The following DLD variants were observed in gnomAD, a reference collection of about 807,000 sequenced individuals.
The protein encoded by DLD is dihydrolipoamide dehydrogenase, also known as dihydrolipoyl dehydrogenase, mitochondrial.
DLD carries 36 observed loss-of-function variants against 62.2 expected under a neutral mutation model. The observed-to-expected ratio is 0.58, with a 90% CI of 0.44 to 0.76. The LOEUF is 0.76. Among genes scored for constraint, DLD ranks in the 30% least tolerant of loss-of-function variants. The pLI, the probability that DLD is intolerant of heterozygous loss-of-function variation, is 0.00. For synonymous variants in DLD, 204 were observed against 199.6 expected, an observed-to-expected ratio of 1.02 and a Z score of -0.19; for missense variants, 541 against 608.6, an observed-to-expected ratio of 0.89 and a Z score of 1.17.
In DLD at chr7:107,904,995, G is replaced by A. The variant is rs559057715; in HGVS notation, c.375G>A (p.Glu125=). The change falls in exon 6 of 14, where the codon GAG becomes GAA. Residue 125 remains glutamate (E), a synonymous_variant. Transcript: ENST00000205402. The part of the protein sequence containing the change: ...EVRLNLDKMM[E]QKSTAVKALT... ...GCTTGAATTTAGACAAGATGATGGAGCAGAAGAGTACTGCAGTAAAAGCTT... is the reference window on the plus strand; with the variant it reads ...GCTTGAATTTAGACAAGATGATGGAACAGAAGAGTACTGCAGTAAAAGCTT... 8.7e-6 allele frequency: 14 copies of A among 1,613,218 alleles called. No homozygotes were observed. The East Asian group carries it at 2.5e-4, about 28-fold the overall frequency.
At chr7:107,899,606 A>C (rs947481787) in intron 2 of DLD, among the ~76,000 whole-genome samples, 6 of 152,030 alleles carry the variant, frequency 3.9e-5, no homozygotes, top group African/African-American at 1.4e-4. Context: ...ATTCAGTTTT[A>C]TTGTCATTAA....
chr7:107,893,135 C>T lies in DLD; in HGVS notation c.40-65C>T, dbSNP rs1584455317. On this transcript the variant is annotated intron_variant, in intron 1 of 13. Transcript: ENST00000205402. Reference sequence around the variant, plus strand: ...TTGCCCAAAATTGTTCTGTTATCATCAACCTTCAGTAGTTCTATGTTTTGA... The same window carrying T: ...TTGCCCAAAATTGTTCTGTTATCATTAACCTTCAGTAGTTCTATGTTTTGA... The T allele has an allele frequency of 2.9e-6, 4 of 1,379,816 alleles. No individual in the cohort carries two copies. In the East Asian group the frequency reaches 6.9e-5, roughly 24 times the overall value. 85.5% of individuals were successfully genotyped at this position (1,379,816 alleles called of 1,614,324 possible).
intron 8 of DLD, among the ~76,000 whole-genome samples, chr7:107,914,999 C>T (rs2032232576): frequency 1.3e-5 from 2 of 152,136 alleles, no homozygotes; most frequent in Admixed American, 1.3e-4. Context: ...TTCCCTCTGC[C>T]TAGAGCAACA....
intron 2 of DLD, among the ~76,000 whole-genome samples, chr7:107,901,137 A>G (rs1356557583): frequency 6.6e-6 from 1 of 152,218 alleles, no homozygotes; most frequent in African/African-American, 2.4e-5. Flanking sequence ...TAAATATTAC[A>G]TAGAAGCTGT....
intron 2 of DLD, among the ~76,000 whole-genome samples, chr7:107,897,274 G>A (rs925607424): frequency 3.9e-5 from 6 of 152,154 alleles, no homozygotes; most frequent in African/African-American, 1.2e-4. Context: ...TGAAGTTCTT[G>A]ATTGTCCTGG....
chr7:107,915,690 A>G lies in DLD; in HGVS notation c.869A>G (p.Asp290Gly), dbSNP rs143555186. The change falls in exon 9 of 14, where the codon GAT (aspartate) becomes GGT (glycine). Residue 290 changes from aspartate to glycine, a missense_variant. By Grantham distance (94) the Asp-to-Gly change is moderately conservative. Transcript: ENST00000205402. ...GATKKSDGKI[D>G]VSIEAASGGK... is the part of the protein sequence containing the mutation. ...ACCAAGAAGTCAGATGGAAAAATTG[A>G]TGTTTCGTAAGTATACATCATTTGT... 14 of 1,613,194 alleles carry G rather than the reference A, an allele frequency of 8.7e-6. No individual in the cohort carries two copies. In the African/African-American group the frequency reaches 1.5e-4, roughly 17 times the overall value.
intron 4 of DLD, 117 bp from the exon 5 acceptor site, chr7:107,903,361 A>G: frequency 1.5e-6 from 1 of 677,906 alleles, no homozygotes. Context: ...TTGGGCAATA[A>G]GAACGAAACT....
intron 2 of DLD, among the ~76,000 whole-genome samples, chr7:107,899,376 A>C (rs2031818080): frequency 6.6e-6 from 1 of 151,220 alleles, no homozygotes; most frequent in Non-Finnish European, 1.5e-5. Context: ...TTAAAAAAAA[A>C]CACCTAAGAT....
chr7:107,897,763 G>A (rs762858619), intron 2 of DLD, among the ~76,000 whole-genome samples: 23 of 151,942 alleles, frequency 1.5e-4, no homozygotes, highest in African/African-American at 2.7e-4. Context: ...ATTTTTAGTA[G>A]AGATAGGGTT....
Position 107,919,271 on chromosome 7 carries a change from A to G in DLD, c.*12A>G. ...CAATCAACTTTTGAATTAGAAGATT[A>G]TATATATTTTTTTCTGAAATTTCCT... On this transcript the variant is annotated 3_prime_UTR_variant, in exon 14 of 14. Transcript: ENST00000205402. The G allele has an allele frequency of 6.9e-7, 1 of 1,444,446 alleles. No individual in the cohort carries two copies. Among genetic ancestry groups the G allele is most frequent in the Non-Finnish European group, 9.6e-7 (1 of 1,045,780 alleles). The allele number at this position is 1,444,446 out of a possible 1,614,324, so 89.5% of individuals were successfully genotyped here.
chr7:107,916,329 T>C (rs1361947022), intron 9 of DLD, among the ~76,000 whole-genome samples: 6 of 152,206 alleles, frequency 3.9e-5, no homozygotes, highest in Admixed American at 3.9e-4. Context: ...TAGATCTCTT[T>C]CATTGTCTGA....
intron 8 of DLD, among the ~76,000 whole-genome samples, chr7:107,907,095 C>T (rs1442257623): frequency 6.6e-6 from 1 of 152,162 alleles, no homozygotes; most frequent in Non-Finnish European, 1.5e-5. Context: ...TGACTGCGTT[C>T]CTGATCAGCT....
rs35546358 is a variant in DLD, at chr7:107,897,574, CTT to C, written c.119-4143_119-4142del. Among the ~76,000 whole-genome samples, 833 of 111,308 alleles carry C rather than the reference CTT, an allele frequency of 7.5e-3. 6 individuals are homozygous for C. Among genetic ancestry groups the C allele is most frequent in the African/African-American group, 0.023 (666 of 28,764 alleles). The allele number at this position is 111,308 out of a possible 152,430, so 73.0% of individuals were successfully genotyped here. A position where few individuals can be genotyped will look rare whatever the true frequency, so the allele number is the denominator to read the frequency against. On this transcript the variant is annotated intron_variant, in intron 2 of 13. Coordinates refer to ENST00000205402, the MANE Select transcript of DLD (RefSeq NM_000108.5). Reference sequence around the variant, plus strand: ...AGTGGTAGGTATTATTGTAGACTGACTTTTTTTTTTTTTTTTTTTTTTGAAAC... The same window carrying C: ...AGTGGTAGGTATTATTGTAGACTGACTTTTTTTTTTTTTTTTTTTTGAAAC...
chr7:107,908,979 C>A (rs2032074752), intron 8 of DLD, among the ~76,000 whole-genome samples: 1 of 152,170 alleles, frequency 6.6e-6, no homozygotes, highest in Admixed American at 6.5e-5. Context: ...ACCTTTGGAT[C>A]CTGTCTAGTC....
intron 8 of DLD, among the ~76,000 whole-genome samples, chr7:107,906,959 G>T (rs1477132263): frequency 6.6e-6 from 1 of 152,142 alleles, no homozygotes; most frequent in Non-Finnish European, 1.5e-5. Context: ...AATAAATTCA[G>T]ATATTTTATT....
At chr7:107,912,217 C>G (rs2032161166) in intron 8 of DLD, among the ~76,000 whole-genome samples, 1 of 151,920 alleles carries the variant, frequency 6.6e-6, no homozygotes, top group South Asian at 2.1e-4. Context: ...ACCACATTTT[C>G]TTTGTTTGTC....
intron 8 of DLD, among the ~76,000 whole-genome samples, chr7:107,910,551 G>T (rs1308382317): frequency 6.6e-6 from 1 of 151,990 alleles, no homozygotes; most frequent in East Asian, 1.9e-4. Context: ...TTCCATTCCA[G>T]TTTAGTGTAG....
chr7:107,905,231 T>A (rs892888864), intron 6 of DLD, 130 bp from the exon 7 acceptor site: 310 of 1,083,768 alleles, frequency 2.9e-4, no homozygotes, highest in Non-Finnish European at 4.0e-4. Flanking sequence ...TGCTGCACCA[T>A]GGTGTAGCAT....
At chr7:107,912,370 G>A (rs2032164717) in intron 8 of DLD, among the ~76,000 whole-genome samples, 1 of 152,058 alleles carries the variant, frequency 6.6e-6, no homozygotes, top group Non-Finnish European at 1.5e-5. Context: ...GGCTCATATT[G>A]TAGTTTTATT....
Sources: allele counts gnomAD v4.1 joint callset (sites outside exome capture counted in the v4.1 genomes callset), GRCh38; gene constraint gnomAD v4.1.1; transcripts MANE v1.5; gene names NCBI Gene and HGNC (gene_info 2026-07-23, HGNC 2026-07-21).